Variants in APCDD1 observed in about 807,000 individuals in gnomAD.
The protein encoded by APCDD1 is APC down-regulated 1.
A neutral mutation model predicts 38.1 loss-of-function variants in APCDD1; 15 were observed. That is an observed-to-expected ratio of 0.39 (90% CI 0.26 to 0.61). The LOEUF (loss-of-function observed/expected upper bound fraction) is 0.61. APCDD1 is among the 20% of genes least tolerant of loss of function. APCDD1 has a pLI of 0.49. For missense variants in APCDD1, 647 were observed against 696.2 expected, an observed-to-expected ratio of 0.93 and a Z score of 0.79; for synonymous variants, 261 against 279.7, an observed-to-expected ratio of 0.93 and a Z score of 0.67.
At chr18:10,479,296 C>T (rs1432742330) in intron 3 of APCDD1, among the ~76,000 whole-genome samples, 1 of 152,178 alleles carries the variant, frequency 6.6e-6, no homozygotes, top group East Asian at 1.9e-4. Context: ...TCCCATTTTT[C>T]CTCCTTCTTG....
rs374082304 is a variant in APCDD1 at position 10,485,595 on chromosome 18, G to T, written c.908G>T (p.Arg303Leu). 2 of 1,613,820 alleles carry T rather than the reference G, an allele frequency of 1.2e-6. No individual in the cohort carries two copies. Among genetic ancestry groups the T allele is most frequent in the Middle Eastern group, 1.7e-4 (1 of 5,992 alleles). The stretch of plus-strand genomic sequence containing the variant: ...TGGGTGAGCCAGCGCTGTGAGGTGC[G>T]CCCCGAAGTCCTCTTCCTCACCCGC... ...GEWVSQRCEV[R>L]PEVLFLTRHF... is the part of the protein sequence containing the mutation. The change falls in exon 4 of 5, where the codon CGC becomes CTC. Residue 303 changes from arginine (R) to leucine (L), a missense_variant. Coordinates refer to ENST00000355285, the MANE Select transcript of APCDD1 (RefSeq NM_153000.5). This position sits in a 1 kb window ranked among gnomAD's most constrained non-coding sequence, Gnocchi z 5.8.
chr18:10,475,412 G>A lies in APCDD1; in HGVS notation c.774+3351G>A, dbSNP rs982343304. Among the ~76,000 whole-genome samples, 2 of 151,878 alleles carry A rather than the reference G, an allele frequency of 1.3e-5. No homozygotes were observed. Among genetic ancestry groups the A allele is most frequent in the Non-Finnish European group, 2.9e-5 (2 of 67,924 alleles). The stretch of plus-strand genomic sequence containing the variant: ...CTACACGAGACATATTGTTAAGTAG[G>A]AAAAAAGGAAGTTATAAAATAGCGT... On this transcript the variant is annotated intron_variant, in intron 3 of 4. Transcript: ENST00000355285. The surrounding 1 kb of genome is among the most constrained non-coding windows in gnomAD (Gnocchi z 4.0).
chr18:10,479,376 G>A (rs950060486), intron 3 of APCDD1, among the ~76,000 whole-genome samples: 32 of 152,178 alleles, frequency 2.1e-4, no homozygotes, highest in Admixed American at 5.9e-4. Context: ...TTCCTTAGTT[G>A]ATCTGTTCAC....
intron 1 of APCDD1, among the ~76,000 whole-genome samples, chr18:10,462,253 C>T (rs867506714): frequency 1.3e-5 from 2 of 152,056 alleles, no homozygotes; most frequent in African/African-American, 4.8e-5. Context: ...ATTATTAGTG[C>T]GGTCCTTGAA....
chr18:10,483,823 G>A (rs1372827299), intron 3 of APCDD1, among the ~76,000 whole-genome samples: 1 of 152,228 alleles, frequency 6.6e-6, no homozygotes, highest in Non-Finnish European at 1.5e-5. Context: ...AGCCTGATCC[G>A]ATCGGCACGT....
In APCDD1 at chr18:10,472,114, C is replaced by G; in HGVS notation, c.774+53C>G. 6.2e-7 allele frequency: 1 copy of G among 1,609,648 alleles called. No individual in the cohort carries two copies. Among genetic ancestry groups the G allele is most frequent in the Non-Finnish European group, 8.5e-7 (1 of 1,178,698 alleles). On this transcript the variant is annotated intron_variant, in intron 3 of 4. Coordinates refer to ENST00000355285, the MANE Select transcript of APCDD1 (RefSeq NM_153000.5). The surrounding 1 kb of genome is among the most constrained non-coding windows in gnomAD (Gnocchi z 6.6). ...TTATTGAGTAAAGTGGGTGATCCTT[C>G]TTAAAGGCTTGCCATGGGGGCTCTA...
At chr18:10,479,156 G>T (rs1339669496) in intron 3 of APCDD1, among the ~76,000 whole-genome samples, 4 of 152,170 alleles carry the variant, frequency 2.6e-5, no homozygotes, top group African/African-American at 9.7e-5. Context: ...TCAAATACTT[G>T]GCACATCGCA....
chr18:10,487,059 C>T (rs544379040), intron 4 of APCDD1, among the ~76,000 whole-genome samples: 1 of 152,334 alleles, frequency 6.6e-6, no homozygotes, highest in South Asian at 2.1e-4. Flanking sequence ...TATTCACTCA[C>T]ATTTTTCTTG....
At chr18:10,460,912 T>G (rs1358799307) in intron 1 of APCDD1, among the ~76,000 whole-genome samples, 4 of 152,190 alleles carry the variant, frequency 2.6e-5, no homozygotes, top group Admixed American at 6.5e-5. Context: ...ATGTGCATGA[T>G]CTGGTGAATT....
Position 10,470,043 on chromosome 18 carries a change from T to C in APCDD1, c.242+1391T>C, listed in dbSNP as rs1270350176. Among the ~76,000 whole-genome samples, 1 of 152,214 alleles carries C rather than the reference T, an allele frequency of 6.6e-6. No homozygotes were observed. The highest frequency in any genetic ancestry group is 2.4e-5 in the African/African-American group (1 of 41,448). On this transcript the variant is annotated intron_variant, in intron 2 of 4. Coordinates refer to ENST00000355285, the MANE Select transcript of APCDD1 (RefSeq NM_153000.5). The surrounding 1 kb of genome is among the most constrained non-coding windows in gnomAD (Gnocchi z 4.1). ...CAGCTTTTTGAAAGAGCATTCTGGC[T>C]GCTGTTTGGCAAATGGACGGGAGAA...
At chr18:10,483,607 T>C (rs2031186717) in intron 3 of APCDD1, among the ~76,000 whole-genome samples, 1 of 152,218 alleles carries the variant, frequency 6.6e-6, no homozygotes, top group Non-Finnish European at 1.5e-5. Context: ...GAGTGAGGGC[T>C]GTAAACCCAA....
intron 1 of APCDD1, among the ~76,000 whole-genome samples, chr18:10,456,429 CAA>C (rs1001944848): frequency 1.3e-5 from 2 of 151,940 alleles, no homozygotes; most frequent in African/African-American, 4.8e-5. Context: ...ACACAAGAAA[CAA>C]AAGAGAGAGA....
chr18:10,483,404 A>C (rs2031182848), intron 3 of APCDD1, among the ~76,000 whole-genome samples: 1 of 152,256 alleles, frequency 6.6e-6, no homozygotes, highest in Non-Finnish European at 1.5e-5. Context: ...TCAATGCTGC[A>C]GCTCTTTGAT....
intron 1 of APCDD1, among the ~76,000 whole-genome samples, chr18:10,462,194 A>T (rs116768548): frequency 2.0e-5 from 3 of 152,230 alleles, no homozygotes; most frequent in Non-Finnish European, 4.4e-5. Context: ...TATATATAAT[A>T]AGCACATTTA....
At chr18:10,480,641 G>A (rs957192435) in intron 3 of APCDD1, among the ~76,000 whole-genome samples, 4 of 152,072 alleles carry the variant, frequency 2.6e-5, no homozygotes, top group African/African-American at 9.6e-5. Context: ...CAGGCAGATT[G>A]CCCTGAGCTC....
intron 3 of APCDD1, among the ~76,000 whole-genome samples, chr18:10,479,373 G>C (rs1598399569): frequency 6.6e-6 from 1 of 152,304 alleles, no homozygotes; most frequent in East Asian, 1.9e-4. Context: ...TGCTTCCTTA[G>C]TTGATCTGTT....
At position 10,471,879 on chromosome 18, in the gene APCDD1, T is replaced by C. The variant is rs1275859626; in HGVS notation, c.592T>C (p.Cys198Arg). Reference sequence around the variant, plus strand: ...CTGGCGAGAGGAGAACGGCTGTGAGTGCACCAAGGCCGTGAACTTTGCCAT... The same window carrying C: ...CTGGCGAGAGGAGAACGGCTGTGAGCGCACCAAGGCCGTGAACTTTGCCAT... Reference protein sequence around the residue: ...DLWREENGCECTKAVNFAMHE... With the variant: ...DLWREENGCERTKAVNFAMHE... The change falls in exon 3 of 5, where the codon TGC becomes CGC. Residue 198 changes from cysteine (C) to arginine (R), a missense_variant. Transcript: ENST00000355285. The surrounding 1 kb of genome is among the most constrained non-coding windows in gnomAD (Gnocchi z 5.5). 1.2e-6 allele frequency: 2 copies of C among 1,614,066 alleles called. No individual in the cohort carries two copies. Among genetic ancestry groups the C allele is most frequent in the Non-Finnish European group, 1.7e-6 (2 of 1,180,012 alleles).
chr18:10,459,314 G>T (rs28427248), intron 1 of APCDD1, among the ~76,000 whole-genome samples: 2,824 of 97,552 alleles, frequency 0.029, 86 homozygotes, highest in African/African-American at 0.14. Context: ...TCCCACAAGC[G>T]TGCACACACA....
chr18:10,454,869 CCCCGGCCTGG>C lies in APCDD1; in HGVS notation c.-105_-96del. On this transcript the variant is annotated 5_prime_UTR_variant, in exon 1 of 5. Coordinates refer to ENST00000355285, the MANE Select transcript of APCDD1 (RefSeq NM_153000.5). Reference sequence around the variant, plus strand: ...TGGGGCGCGCGGCAGCCGCCTGAAGCCCCGGCCTGGCCCGGCCGCACCCGGCCGGAGGCGG... The same window carrying C: ...TGGGGCGCGCGGCAGCCGCCTGAAGCCCCGGCCGCACCCGGCCGGAGGCGG... 8.5e-6 allele frequency: 10 copies of C among 1,175,018 alleles called. No homozygotes were observed. Among genetic ancestry groups the C allele is most frequent in the East Asian group, 8.7e-5 (2 of 23,004 alleles). The allele number at this position is 1,175,018 out of a possible 1,614,324, so 72.8% of individuals were successfully genotyped here. A position where few individuals can be genotyped will look rare whatever the true frequency, so the allele number is the denominator to read the frequency against.
Sources: gnomAD v4.1 joint callset for allele counts (sites outside exome capture counted in the v4.1 genomes callset) on GRCh38, gnomAD v4.1.1 for gene constraint, Gnocchi (gnomAD v3.1) non-coding constraint, MANE v1.5 for transcripts, NCBI Gene and HGNC (gene_info 2026-07-23, HGNC 2026-07-21) for gene names.